The following LARP4B variants were observed in gnomAD, a reference collection of about 807,000 sequenced individuals.
The protein encoded by LARP4B is la-related protein 4B.
A neutral mutation model predicts 89.8 loss-of-function variants in LARP4B; 12 were observed. The ratio of observed to expected loss-of-function variants is 0.13; its 90% CI spans 0.09 to 0.22. LARP4B has a LOEUF of 0.22. Ranked by LOEUF, LARP4B falls within the 10% of genes least tolerant of loss-of-function variation. LARP4B has a pLI of 1.00. For synonymous variants in LARP4B, 367 were observed against 363.3 expected, an observed-to-expected ratio of 1.01 and a Z score of -0.12; for missense variants, 757 against 947.7, an observed-to-expected ratio of 0.80 and a Z score of 2.64.
At chr10:909,225 T>C (rs1002999785) in intron 1 of LARP4B, among the ~76,000 whole-genome samples, 19 of 125,980 alleles carry the variant, frequency 1.5e-4, no homozygotes, top group East Asian at 1.2e-3. Context: ...ACCCGGGAGG[T>C]GGAGCTTGCG....
chr10:836,570 GTGTTACATTA>G, intron 7 of LARP4B, 64 bp from the exon 8 acceptor site: 1 of 1,046,182 alleles, frequency 9.6e-7, no homozygotes, highest in Non-Finnish European at 1.5e-6. Context: ...CCAGTGGAAT[GTGTTACATTA>G]TATTACTATA....
chr10:930,459 T>C (rs1192271802), intron 1 of LARP4B, among the ~76,000 whole-genome samples: 1 of 152,136 alleles, frequency 6.6e-6, no homozygotes, highest in Non-Finnish European at 1.5e-5. Context: ...AGATAGGAGG[T>C]AGTTTTCTAC....
chr10:812,970 G>GCTTCCCCATGGC lies in LARP4B; in HGVS notation c.2161_2172dup (p.Ala721_Lys724dup). 1.3e-6 allele frequency: 2 copies of GCTTCCCCATGGC among 1,572,422 alleles called. No individual in the cohort carries two copies. Among genetic ancestry groups the GCTTCCCCATGGC allele is most frequent in the Non-Finnish European group, 1.7e-6 (2 of 1,168,062 alleles). ...GGAGTGCTCTGCTCTCGGCTGAGAC[G>GCTTCCCCATGGC]CTTCCCCATGGCCGAGGGCGAGGGC... On this transcript the variant is annotated inframe_insertion, in exon 18 of 18. Transcript: ENST00000316157.
intron 5 of LARP4B, among the ~76,000 whole-genome samples, chr10:846,863 A>C (rs1336458745): frequency 2.0e-5 from 3 of 152,194 alleles, no homozygotes; most frequent in Non-Finnish European, 2.9e-5. Flanking sequence ...AGGCAAGCGC[A>C]TGAGGGCCAA....
chr10:820,904 G>T, intron 13 of LARP4B, 59 bp from the exon 14 acceptor site: 2 of 1,467,616 alleles, frequency 1.4e-6, no homozygotes, highest in South Asian at 2.3e-5. Flanking sequence ...ATTTATTATT[G>T]AGCACGTTTG....
intron 1 of LARP4B, among the ~76,000 whole-genome samples, chr10:921,477 T>G (rs1039875182): frequency 6.6e-6 from 1 of 152,080 alleles, no homozygotes; most frequent in African/African-American, 2.4e-5. Context: ...AACTACCACT[T>G]CTTTCTTTCC....
the LARP4B span, among the ~76,000 whole-genome samples, chr10:963,171 C>T: frequency 6.6e-6 from 1 of 152,312 alleles, no homozygotes; most frequent in African/African-American, 2.4e-5. Context: ...TCCTCCCCCA[C>T]CCCAGGATCA....
At chr10:940,987 C>G in the LARP4B span, among the ~76,000 whole-genome samples, 1 of 152,194 alleles carries the variant, frequency 6.6e-6, no homozygotes, top group African/African-American at 2.4e-5. Flanking sequence ...CCCACTTCCT[C>G]TAAGACGGAC....
At chr10:950,880 G>GTT in the LARP4B span, among the ~76,000 whole-genome samples, 1 of 141,878 alleles carries the variant, frequency 7.0e-6, no homozygotes, top group African/African-American at 2.6e-5. Context: ...TTGTAGGAGG[G>GTT]TTTTTTTTTT....
At position 845,063 on chromosome 10, in the gene LARP4B, A is replaced by G. The variant is rs770667759; in HGVS notation, c.431-8T>C. 1.2e-6 allele frequency: 2 copies of G among 1,601,182 alleles called. No individual in the cohort carries two copies. Among genetic ancestry groups the G allele is most frequent in the Non-Finnish European group, 1.7e-6 (2 of 1,174,584 alleles). The stretch of plus-strand genomic sequence containing the variant: ...GTTGAGACTCATTTCCTCCTACATA[A>G]AAGTAATAATCAACTTAGGAAAACC... On this transcript the variant is annotated splice_polypyrimidine_tract_variant and splice_region_variant and intron_variant, in intron 5 of 17. Coordinates refer to ENST00000316157, the MANE Select transcript of LARP4B (RefSeq NM_015155.3).
At chr10:888,732 G>A (rs527283627) in intron 1 of LARP4B, among the ~76,000 whole-genome samples, 37 of 152,294 alleles carry the variant, frequency 2.4e-4, no homozygotes, top group Non-Finnish European at 4.0e-4. Context: ...GGTCATAGTG[G>A]TGGTATAACC....
chr10:973,752 TTAA>T, the LARP4B span, among the ~76,000 whole-genome samples: 1 of 152,180 alleles, frequency 6.6e-6, no homozygotes, highest in African/African-American at 2.4e-5. Context: ...CATGCTGTAG[TTAA>T]GAGCTTCCAG....
intron 1 of LARP4B, among the ~76,000 whole-genome samples, chr10:892,457 A>C (rs574154659): frequency 6.6e-6 from 1 of 152,240 alleles, no homozygotes; most frequent in South Asian, 2.1e-4. Flanking sequence ...TAGACACACA[A>C]GACAATCTTA....
chr10:916,663 C>A (rs1289738865), intron 1 of LARP4B, among the ~76,000 whole-genome samples: 1 of 152,166 alleles, frequency 6.6e-6, no homozygotes, highest in Non-Finnish European at 1.5e-5. Flanking sequence ...CCATTGCACT[C>A]CAGCCTGGGC....
chr10:872,887 G>T, intron 3 of LARP4B: 1 of 217,600 alleles, frequency 4.6e-6, no homozygotes, highest in Non-Finnish European at 7.8e-6. Flanking sequence ...AGGAAAGAGG[G>T]TTCAATGACT....
Position 812,946 on chromosome 10 carries a change from GA to G in LARP4B, c.2196del (p.Lys735SerfsTer18). On this transcript the variant is annotated frameshift_variant, in exon 18 of 18. Transcript: ENST00000316157. LOFTEE classifies it high-confidence loss of function. Reference protein sequence around the residue: ...MGKRLSREQSTPPKSPQ With the variant: ...MGKRLSREQSXPPKSPQ Reference sequence around the variant, plus strand: ...GGTTTTCACTGAGGAGACTTGGGGGGAGTGCTCTGCTCTCGGCTGAGACGCT... The same window carrying G: ...GGTTTTCACTGAGGAGACTTGGGGGGGTGCTCTGCTCTCGGCTGAGACGCT... The G allele has an allele frequency of 6.4e-7, 1 of 1,550,500 alleles. No homozygotes were observed.
intron 1 of LARP4B, among the ~76,000 whole-genome samples, chr10:891,613 C>A (rs1173709587): frequency 6.6e-6 from 1 of 152,160 alleles, no homozygotes; most frequent in African/African-American, 2.4e-5. Context: ...GTTCACTATA[C>A]TATTCTGTCT....
intron 1 of LARP4B, among the ~76,000 whole-genome samples, chr10:901,049 A>G (rs952194575): frequency 5.3e-5 from 8 of 150,722 alleles, no homozygotes; most frequent in Non-Finnish European, 1.0e-4. Context: ...CCTCATGAGT[A>G]GCTGGGATTA....
At chr10:938,826 A>T in the LARP4B span, among the ~76,000 whole-genome samples, 5 of 152,192 alleles carry the variant, frequency 3.3e-5, no homozygotes, top group Non-Finnish European at 5.9e-5. Flanking sequence ...AATTCTTCAA[A>T]ATAGAGAGTT....
Sources: gnomAD v4.1 joint callset for allele counts (sites outside exome capture counted in the v4.1 genomes callset) on GRCh38, gnomAD v4.1.1 for gene constraint, MANE v1.5 for transcripts, NCBI Gene and HGNC (gene_info 2026-07-23, HGNC 2026-07-21) for gene names.